The following HIVEP3 variants were observed in gnomAD, a reference collection of about 807,000 sequenced individuals.
The protein encoded by HIVEP3 is HIVEP zinc finger 3.
In HIVEP3, 49 loss-of-function variants were observed where a neutral mutation model predicts 152.8. That is an observed-to-expected ratio of 0.32 (90% CI 0.26 to 0.41). HIVEP3 has a LOEUF of 0.41. HIVEP3 is among the 10% of genes least tolerant of loss of function. The pLI is 1.00. For missense variants in HIVEP3, 2,790 were observed against 3,103.3 expected, an observed-to-expected ratio of 0.90 and a Z score of 2.40; for synonymous variants, 1,269 against 1,289.0, an observed-to-expected ratio of 0.98 and a Z score of 0.33.
Position 41,513,410 on chromosome 1 carries a change from C to T in HIVEP3, c.5811G>A (p.Pro1937=), listed in dbSNP as rs1174184459. The T allele has an allele frequency of 8.7e-6, 14 of 1,611,858 alleles. No homozygotes were observed. Among genetic ancestry groups the T allele is most frequent in the South Asian group, 4.4e-5 (4 of 91,012 alleles). ...GGGCCGGTCCCAGCCAGGGGAGGCC[C>T]GGCATGCTCTGGCTGGACATGGAGC... ...SSCSMSSQSM[P]GLPWLGPAPL... is the part of the protein sequence containing the mutation. The change falls in exon 8 of 9, where the codon CCG becomes CCA. Residue 1937 remains proline (P), a synonymous_variant. Transcript: ENST00000372583.
intron 1 of HIVEP3, among the ~76,000 whole-genome samples, chr1:41,998,887 C>CTTTTT (rs1184823372): frequency 0.05 from 3,814 of 76,604 alleles, 237 homozygotes; most frequent in East Asian, 0.083. Context: ...TTTTCTCTCT[C>CTTTTT]TCTTTTTTTT....
intron 1 of HIVEP3, among the ~76,000 whole-genome samples, chr1:41,701,261 C>A (rs976434902): frequency 6.6e-6 from 1 of 152,214 alleles, no homozygotes; most frequent in African/African-American, 2.4e-5. Context: ...TGTACTCAGG[C>A]CTAAGGCTGG....
rs746683226 is a variant in HIVEP3 at position 41,510,440 on chromosome 1, T to C, written c.*11A>G. 3.1e-5 allele frequency: 46 copies of C among 1,466,766 alleles called. No individual in the cohort carries two copies. The South Asian group carries it at 6.5e-4, about 21-fold the overall frequency. The allele number at this position is 1,466,766 out of a possible 1,614,324, so 90.9% of individuals were successfully genotyped here. Reference sequence around the variant, plus strand: ...CACTGGAAGCCAGATGCTGAAGCAGTTGGAGAGAGGCTAAGCGTTGGGGGG... The same window carrying C: ...CACTGGAAGCCAGATGCTGAAGCAGCTGGAGAGAGGCTAAGCGTTGGGGGG... On this transcript the variant is annotated 3_prime_UTR_variant, in exon 9 of 9. Transcript: ENST00000372583.
chr1:41,581,422 G>T lies in HIVEP3; in HGVS notation c.3376C>A (p.His1126Asn), dbSNP rs779483366. 29 of 1,597,416 alleles carry T rather than the reference G, an allele frequency of 1.8e-5. No individual in the cohort carries two copies. The highest frequency in any genetic ancestry group is 2.5e-5 in the Non-Finnish European group (29 of 1,172,160). ...TGCAGGGGTGTCTGGGCAACGGGGT[G>T]GTGGAACACTTGCAGTGCTTCTGTG... is the stretch of plus-strand genomic sequence containing the variant. ...PYTEALQVFH[H>N]PVAQTPLHEK... Residue 1126 changes from histidine (H) to asparagine (N), a missense_variant, in exon 4 of 9, where the codon CAC (histidine) becomes AAC (asparagine). His to Asn is a moderately conservative substitution (Grantham distance 68, BLOSUM62 1). Transcript: ENST00000372583. The surrounding 1 kb of genome is among the most constrained non-coding windows in gnomAD (Gnocchi z 4.5).
chr1:41,903,830 G>A (rs921088177), intron 1 of HIVEP3, among the ~76,000 whole-genome samples: 1 of 152,012 alleles, frequency 6.6e-6, no homozygotes, highest in Admixed American at 6.6e-5. Flanking sequence ...AAAGCCATCA[G>A]CATCTTTGCA....
chr1:41,986,999 T>C (rs1379522693), intron 1 of HIVEP3, among the ~76,000 whole-genome samples: 3 of 152,234 alleles, frequency 2.0e-5, no homozygotes, highest in Non-Finnish European at 4.4e-5. Flanking sequence ...TATACTGTAC[T>C]ATACTGAATT....
intron 1 of HIVEP3, among the ~76,000 whole-genome samples, chr1:42,002,452 A>T (rs1056757456): frequency 2.6e-5 from 4 of 152,166 alleles, no homozygotes; most frequent in Non-Finnish European, 4.4e-5. Context: ...GGTTGCTGGG[A>T]AATCCCTGTA....
chr1:41,801,875 G>C (rs1483720757), intron 1 of HIVEP3, among the ~76,000 whole-genome samples: 2 of 152,212 alleles, frequency 1.3e-5, no homozygotes, highest in African/African-American at 4.8e-5. Context: ...GGCCTTCGTT[G>C]CTTTGACCCC....
chr1:42,015,169 ATTC>A (rs371726108), intron 1 of HIVEP3, among the ~76,000 whole-genome samples: 164 of 152,326 alleles, frequency 1.1e-3, no homozygotes, highest in African/African-American at 3.7e-3. Flanking sequence ...TAAAATCAGA[ATTC>A]TTCTATTTGT....
intron 1 of HIVEP3, among the ~76,000 whole-genome samples, chr1:42,020,518 T>A (rs1264315284): frequency 1.3e-5 from 2 of 152,188 alleles, no homozygotes; most frequent in African/African-American, 2.4e-5. Flanking sequence ...TATCCTCTTA[T>A]TAAGCATACA....
intron 5 of HIVEP3, among the ~76,000 whole-genome samples, chr1:41,545,315 TACCATCGCC>T (rs1210992111): frequency 1.2e-5 from 1 of 81,928 alleles, no homozygotes; most frequent in African/African-American, 5.1e-5. Context: ...CCACCATCGC[TACCATCGCC>T]ACCATCACCA....
At position 41,700,941 on chromosome 1, in the gene HIVEP3, T is replaced by C; in HGVS notation, c.-746A>G. 2 of 985,486 alleles carry C rather than the reference T, an allele frequency of 2.0e-6. No homozygotes were observed. Among genetic ancestry groups the C allele is most frequent in the Non-Finnish European group, 2.4e-6 (2 of 829,998 alleles). The allele number at this position is 985,486 out of a possible 1,614,324, so 61.0% of individuals were successfully genotyped here. A position where few individuals can be genotyped will look rare whatever the true frequency, so the allele number is the denominator to read the frequency against. ...CTGCCAAAAACCAGCCGTGGTCTCA[T>C]GGTCAAGATGTGTCAGAGATTTCTA... On this transcript the variant is annotated 5_prime_UTR_variant, in exon 2 of 9. It removes an upstream start codon present in the reference 5' UTR. Transcript: ENST00000372583.
intron 1 of HIVEP3, among the ~76,000 whole-genome samples, chr1:41,916,673 A>T (rs1644876793): frequency 6.6e-6 from 1 of 152,196 alleles, no homozygotes; most frequent in African/African-American, 2.4e-5. Context: ...TATGTCAAAC[A>T]GCTCAGACGG....
rs1267362609 is a variant in HIVEP3 at position 42,013,575 on chromosome 1, G to A, written n.119+22232C>T. Among the ~76,000 whole-genome samples, 14 of 152,198 alleles carry A rather than the reference G, an allele frequency of 9.2e-5. No homozygotes were observed. The East Asian group carries it at 2.7e-3, about 29-fold the overall frequency. On this transcript the variant is annotated intron_variant and non_coding_transcript_variant, in intron 1 of 3. Transcript: ENST00000489103. ...TGCTTCCAGCAATGAATTAATAACA[G>A]AATAAGGGGAGGGCCATGGGGAAAT... is the stretch of plus-strand genomic sequence containing the variant.
intron 1 of HIVEP3, among the ~76,000 whole-genome samples, chr1:41,974,492 C>CACACACACAT (rs1645248773): frequency 6.7e-6 from 1 of 150,076 alleles, no homozygotes; most frequent in African/African-American, 2.5e-5. Context: ...CCCCTACACA[C>CACACACACAT]ACACACACAC....
intron 1 of HIVEP3, among the ~76,000 whole-genome samples, chr1:41,771,907 C>T (rs866985533): frequency 3.9e-5 from 6 of 152,070 alleles, no homozygotes; most frequent in African/African-American, 7.2e-5. Context: ...TCTCGTGATC[C>T]GCCCGCCTTG....
chr1:42,030,814 G>C (rs1447611178), intron 1 of HIVEP3, among the ~76,000 whole-genome samples: 2 of 152,232 alleles, frequency 1.3e-5, no homozygotes, highest in African/African-American at 2.4e-5. Flanking sequence ...TCAGCCAGCA[G>C]TTGACAATCA....
upstream of HIVEP3, among the ~76,000 whole-genome samples, chr1:41,923,476 A>C (rs995051514): frequency 6.6e-6 from 1 of 152,144 alleles, no homozygotes; most frequent in African/African-American, 2.4e-5. Context: ...GTGGTACCAG[A>C]GGCTGGAGGA....
intron 1 of HIVEP3, among the ~76,000 whole-genome samples, chr1:41,858,325 G>A (rs1048704121): frequency 6.6e-6 from 1 of 152,134 alleles, no homozygotes; most frequent in South Asian, 2.1e-4. Flanking sequence ...AAACATTTGA[G>A]TGTACCTGCC....
Sources: allele counts gnomAD v4.1 joint callset (sites outside exome capture counted in the v4.1 genomes callset), GRCh38; gene constraint gnomAD v4.1.1; non-coding constraint Gnocchi (gnomAD v3.1); transcripts MANE v1.5; gene names NCBI Gene and HGNC (gene_info 2026-07-23, HGNC 2026-07-21).